Variants in ARHGAP35 observed in about 807,000 individuals in gnomAD.
ARHGAP35 encodes rho GTPase-activating protein 35.
In ARHGAP35, 15 loss-of-function variants were observed where a neutral mutation model predicts 111.1. The observed-to-expected ratio is 0.13, with a 90% CI of 0.09 to 0.21. The LOEUF (loss-of-function observed/expected upper bound fraction) is 0.21. Ranked by LOEUF, ARHGAP35 falls within the 10% of genes least tolerant of loss-of-function variation. The probability of loss-of-function intolerance (pLI) is 1.00; values close to 1 mark genes in which losing one functional copy is unlikely to be tolerated. For missense variants in ARHGAP35, 1,262 were observed against 1,873.0 expected (o/e 0.67, Z 6.02); for synonymous variants, 643 against 710.3 (o/e 0.91, Z 1.51).
chr19:46,879,833 C>T (rs118032020), intron 1 of ARHGAP35, among the ~76,000 whole-genome samples: 5,264 of 149,548 alleles, frequency 0.035, 135 homozygotes, highest in Non-Finnish European at 0.053. Context: ...CCCCTGTGAC[C>T]CCAGCACTTT....
intron 3 of ARHGAP35, chr19:46,947,207 A>G (rs1171605940): frequency 6.6e-6 from 1 of 152,210 alleles, no homozygotes; most frequent in Non-Finnish European, 1.5e-5. Context: ...TTGACTTTAT[A>G]TTAATTAAGC....
chr19:46,940,557 CCAAT>C (rs1022582605), intron 3 of ARHGAP35, among the ~76,000 whole-genome samples: 6 of 151,624 alleles, frequency 4.0e-5, no homozygotes, highest in African/African-American at 1.5e-4. Flanking sequence ...AATAAAATCA[CCAAT>C]CAGTTATTTT....
At chr19:46,935,545 G>T (rs2056303034) in intron 2 of ARHGAP35, among the ~76,000 whole-genome samples, 2 of 152,224 alleles carry the variant, frequency 1.3e-5, no homozygotes, top group African/African-American at 4.8e-5. Context: ...GGCAGGAGAA[G>T]GAGAGGGAAT....
chr19:46,880,242 G>T (rs1273898914), intron 1 of ARHGAP35, among the ~76,000 whole-genome samples: 1 of 152,062 alleles, frequency 6.6e-6, no homozygotes, highest in Admixed American at 6.6e-5. Context: ...ACACCAGCCT[G>T]GCCAACATGG....
intron 1 of ARHGAP35, among the ~76,000 whole-genome samples, chr19:46,895,412 GCCTCGGCCTCCCAAAGTGCTGGGATTACA>G (rs2056049076): frequency 1.3e-5 from 2 of 152,046 alleles, no homozygotes; most frequent in Non-Finnish European, 2.9e-5. Flanking sequence ...TGATCCACCC[GCCTCGGCCTCCCAAAGTGCTGGGATTACA>G]GGCGTGAGCC....
At chr19:46,977,056 T>C (rs919403288) in intron 3 of ARHGAP35, among the ~76,000 whole-genome samples, 1 of 152,190 alleles carries the variant, frequency 6.6e-6, no homozygotes, top group Non-Finnish European at 1.5e-5. Flanking sequence ...TGTAAAAACA[T>C]CTAAGACCCG....
Position 46,989,653 on chromosome 19 carries a change from G to A in ARHGAP35, c.4014G>A (p.Gln1338=). 2 of 1,613,966 alleles carry A rather than the reference G, an allele frequency of 1.2e-6. No homozygotes were observed. The highest frequency in any genetic ancestry group is 1.1e-5 in the South Asian group (1 of 91,072). ...ACCCCCTGGTCCCGTATAACATGCAGATCGACTTGGTGGAAGCACACAGTG... is the reference window on the plus strand; with the variant it reads ...ACCCCCTGGTCCCGTATAACATGCAAATCGACTTGGTGGAAGCACACAGTG... The part of the protein sequence containing the change: ...LPDPLVPYNM[Q]IDLVEAHKIN... Residue 1338 remains glutamine, a synonymous_variant, in exon 5 of 7, where the codon CAG becomes CAA. Transcript: ENST00000672722. The surrounding 1 kb of genome is among the most constrained non-coding windows in gnomAD (Gnocchi z 5.3).
At chr19:46,865,318 A>G (rs1355022616) in intron 1 of ARHGAP35, among the ~76,000 whole-genome samples, 2 of 152,210 alleles carry the variant, frequency 1.3e-5, no homozygotes, top group African/African-American at 4.8e-5. Flanking sequence ...TAATCTGATC[A>G]AAGTTCCTCA....
chr19:46,932,068 A>T (rs1448093857), intron 2 of ARHGAP35, among the ~76,000 whole-genome samples: 1 of 152,140 alleles, frequency 6.6e-6, no homozygotes, highest in Non-Finnish European at 1.5e-5. Context: ...GATCACTGGA[A>T]GTCAGGAGTT....
At chr19:46,965,466 T>TTTGTTTG (rs1568481883) in intron 3 of ARHGAP35, among the ~76,000 whole-genome samples, 27 of 150,154 alleles carry the variant, frequency 1.8e-4, no homozygotes, top group Non-Finnish European at 3.7e-4. Flanking sequence ...TTCTTGGGTT[T>TTTGTTTG]TTTGTTTGTT....
At chr19:46,948,549 G>C (rs1044366926) in intron 3 of ARHGAP35, 1 of 152,236 alleles carries the variant, frequency 6.6e-6, no homozygotes, top group African/African-American at 2.4e-5. Flanking sequence ...GAATAGACCA[G>C]TAGGTCCATC....
Position 46,988,947 on chromosome 19 carries a change from C to A in ARHGAP35, c.3905-597C>A, listed in dbSNP as rs1473004120. The A allele has an allele frequency of 6.5e-6, 1 of 154,268 alleles. No homozygotes were observed. Among genetic ancestry groups the A allele is most frequent in the Non-Finnish European group, 1.4e-5 (1 of 69,392 alleles). 9.6% of individuals were successfully genotyped at this position (154,268 alleles called of 1,614,324 possible). On this transcript the variant is annotated intron_variant, in intron 4 of 6. Transcript: ENST00000672722. This position sits in a 1 kb window ranked among gnomAD's most constrained non-coding sequence, Gnocchi z 5.4. ...AGATCCTGTACCAGCTTACCTCCCC[C>A]ATAGTGGAACCTGGTACTGTCCATC...
Position 46,989,315 on chromosome 19 carries a change from T to C in ARHGAP35, c.3905-229T>C, listed in dbSNP as rs767827648. On this transcript the variant is annotated intron_variant, in intron 4 of 6. Transcript: ENST00000672722. The surrounding 1 kb of genome is among the most constrained non-coding windows in gnomAD (Gnocchi z 5.3). ...GGGGGTAGCACCCCTGCCCCGAGAG[T>C]GGTAGAAGGGGCAGTTCAGCAGTCT... The C allele has an allele frequency of 9.3e-5, 42 of 451,286 alleles. No homozygotes were observed. The highest frequency in any genetic ancestry group is 1.6e-4 in the Non-Finnish European group (39 of 249,826). 28.0% of individuals were successfully genotyped at this position (451,286 alleles called of 1,614,324 possible).
At chr19:46,884,367 T>C (rs1713591891) in intron 1 of ARHGAP35, among the ~76,000 whole-genome samples, 1 of 152,068 alleles carries the variant, frequency 6.6e-6, no homozygotes, top group Admixed American at 6.6e-5. Flanking sequence ...AGCTGCCTTA[T>C]AGGGACATAT....
intron 1 of ARHGAP35, among the ~76,000 whole-genome samples, chr19:46,865,556 G>A (rs1181823963): frequency 6.6e-6 from 1 of 152,202 alleles, no homozygotes; most frequent in African/African-American, 2.4e-5. Context: ...TTTTGGCAAA[G>A]GACACAGCCT....
At position 46,963,344 on chromosome 19, in the gene ARHGAP35, G is replaced by A. The variant is rs77907190; in HGVS notation, c.3827-24645G>A. On this transcript the variant is annotated intron_variant, in intron 3 of 6. Coordinates refer to ENST00000672722, the MANE Select transcript of ARHGAP35 (RefSeq NM_004491.5). ...CTGCTTGTTCTGGTAGCACATCTGC[G>A]TGGGGTGCCTTAAAAGTGGGCACTC... Among the ~76,000 whole-genome samples the A allele has an allele frequency of 1.6e-3, 242 of 152,302 alleles. 3 individuals are homozygous for A. In the East Asian group the frequency reaches 0.04, roughly 25 times the overall value.
intron 1 of ARHGAP35, among the ~76,000 whole-genome samples, chr19:46,913,766 G>T (rs2122185051): frequency 6.6e-6 from 1 of 152,204 alleles, no homozygotes; most frequent in South Asian, 2.1e-4. Context: ...ATTTTTAAAG[G>T]ATCCTTCTTT....
intron 1 of ARHGAP35, among the ~76,000 whole-genome samples, chr19:46,893,389 C>A (rs2056036030): frequency 6.6e-6 from 1 of 152,054 alleles, no homozygotes; most frequent in Non-Finnish European, 1.5e-5. Context: ...AGGTACTACT[C>A]TAGGTCCTGG....
At chr19:46,997,608 T>C (rs1392760464) in intron 5 of ARHGAP35, 2 of 152,202 alleles carry the variant, frequency 1.3e-5, no homozygotes, top group Non-Finnish European at 2.9e-5. Context: ...GCCGGATTTG[T>C]ACCAGGGCCA....
Sources: allele counts gnomAD v4.1 joint callset (sites outside exome capture counted in the v4.1 genomes callset), GRCh38; gene constraint gnomAD v4.1.1; non-coding constraint Gnocchi (gnomAD v3.1); transcripts MANE v1.5; gene names NCBI Gene and HGNC (gene_info 2026-07-23, HGNC 2026-07-21).